Variants in SLC26A7 observed in about 807,000 individuals in gnomAD.
SLC26A7 encodes the protein anion exchange transporter.
Under a neutral mutation model 82.5 loss-of-function variants are expected in SLC26A7, and 59 were observed. The observed-to-expected ratio is 0.72, with a 90% confidence interval of 0.58 to 0.89. The LOEUF (loss-of-function observed/expected upper bound fraction) is 0.89, where lower values mean the gene tolerates loss of function less well. SLC26A7 is among the 40% of genes least tolerant of loss of function. The probability of loss-of-function intolerance (pLI) is 0.00; values close to 1 mark genes in which losing one functional copy is unlikely to be tolerated. For synonymous variants in SLC26A7, 271 were observed against 274.3 expected (o/e 0.99, Z 0.12); for missense variants, 820 against 793.0 (o/e 1.03, Z -0.41).
chr8:91,253,312 T>C (rs1427146644), intron 2 of SLC26A7, among the ~76,000 whole-genome samples: 1 of 152,088 alleles, frequency 6.6e-6, no homozygotes, highest in Non-Finnish European at 1.5e-5. Context: ...CTTTCCTCTC[T>C]TTTGCCACCC....
At chr8:91,221,395 A>G (rs1026809686) in intron 2 of SLC26A7, among the ~76,000 whole-genome samples, 1 of 151,954 alleles carries the variant, frequency 6.6e-6, no homozygotes, top group South Asian at 2.1e-4. Context: ...CTGTTTGTCA[A>G]TTTTGCCTTT....
rs767315598 is a variant in SLC26A7, at chr8:91,295,556, A to G, written c.330A>G (p.Ile110Met). 2 of 1,613,512 alleles carry G rather than the reference A, an allele frequency of 1.2e-6. No homozygotes were observed. Among genetic ancestry groups the G allele is most frequent in the South Asian group, 2.2e-5 (2 of 90,844 alleles). Reference sequence around the variant, plus strand: ...GCACCTTTGCCTTGACATCCTTAATATCAGCCAACGCCGTGGAACGGATTG... The same window carrying G: ...GCACCTTTGCCTTGACATCCTTAATGTCAGCCAACGCCGTGGAACGGATTG... ...ATGTFALTSLISANAVERIVP... is the reference protein window; with the variant it reads ...ATGTFALTSLMSANAVERIVP... The change falls in exon 4 of 19, where the codon ATA (isoleucine) becomes ATG (methionine). Residue 110 changes from isoleucine to methionine, a missense_variant. Ile to Met is a conservative substitution (Grantham distance 10). Coordinates refer to ENST00000276609, the MANE Select transcript of SLC26A7 (RefSeq NM_052832.4).
intron 15 of SLC26A7, among the ~76,000 whole-genome samples, chr8:91,381,619 A>ACAGAACAGTAGCTGATGGGCG (rs1563711104): frequency 1.2e-4 from 18 of 152,256 alleles, no homozygotes; most frequent in Middle Eastern, 3.4e-3. Context: ...GCTGATGGGC[A>ACAGAACAGTAGCTGATGGGCG]TGATCACCTT....
At chr8:91,252,737 T>C (rs1287718851) in intron 2 of SLC26A7, among the ~76,000 whole-genome samples, 1 of 152,174 alleles carries the variant, frequency 6.6e-6, no homozygotes, top group Non-Finnish European at 1.5e-5. Flanking sequence ...ATGTATACAC[T>C]GCAAGACTAC....
At chr8:91,310,897 C>G (rs1812462918) in intron 4 of SLC26A7, among the ~76,000 whole-genome samples, 1 of 152,120 alleles carries the variant, frequency 6.6e-6, no homozygotes, top group South Asian at 2.1e-4. Flanking sequence ...CTGCTTGGCC[C>G]CTTCTAAGTG....
intron 2 of SLC26A7, among the ~76,000 whole-genome samples, chr8:91,268,096 A>C (rs1395735234): frequency 6.6e-6 from 1 of 151,782 alleles, no homozygotes; most frequent in Non-Finnish European, 1.5e-5. Flanking sequence ...TATTTCATTT[A>C]GGTCAGAAAA....
chr8:91,236,771 T>C (rs921162368), intron 2 of SLC26A7, among the ~76,000 whole-genome samples: 1 of 152,224 alleles, frequency 6.6e-6, no homozygotes, highest in Non-Finnish European at 1.5e-5. Context: ...GAAACTCAAC[T>C]AATACTGATT....
chr8:91,357,976 A>C (rs1813921144), intron 11 of SLC26A7, among the ~76,000 whole-genome samples: 2 of 152,258 alleles, frequency 1.3e-5, no homozygotes, highest in South Asian at 4.1e-4. Context: ...TCTCAAAAGA[A>C]GACATTTATG....
intron 4 of SLC26A7, among the ~76,000 whole-genome samples, chr8:91,300,692 C>T (rs1208647057): frequency 6.6e-6 from 1 of 152,184 alleles, no homozygotes; most frequent in Non-Finnish European, 1.5e-5. Context: ...CCACCGCGCC[C>T]GGCCAGAGAT....
At chr8:91,218,860 T>C in intron 1 of SLC26A7, 2 of 1,412,612 alleles carry the variant, frequency 1.4e-6, no homozygotes, top group Non-Finnish European at 1.9e-6. Context: ...GAACACTGCC[T>C]AAATTTTATT....
intron 13 of SLC26A7, among the ~76,000 whole-genome samples, chr8:91,365,829 T>G (rs1440074212): frequency 2.0e-5 from 3 of 152,210 alleles, no homozygotes; most frequent in Non-Finnish European, 4.4e-5. Flanking sequence ...GAAAGAATAT[T>G]GCTTTACTTA....
At chr8:91,234,499 A>G (rs1017584059) in intron 2 of SLC26A7, among the ~76,000 whole-genome samples, 15 of 151,120 alleles carry the variant, frequency 9.9e-5, no homozygotes, top group Non-Finnish European at 1.8e-4. Flanking sequence ...TTTTAATAGA[A>G]GTGGGGCACA....
rs561557223 is a variant in SLC26A7, at chr8:91,249,395, C to T, written c.-132C>T. The stretch of plus-strand genomic sequence containing the variant: ...ATTACATGAACAGGAACTACTTCTC[C>T]TTCAGATAAGAATTCAAGGTTTTAA... On this transcript the variant is annotated 5_prime_UTR_variant, in exon 1 of 19. Transcript: ENST00000276609. 3 of 296,704 alleles carry T rather than the reference C, an allele frequency of 1.0e-5. No homozygotes were observed. Among genetic ancestry groups the T allele is most frequent in the African/African-American group, 2.2e-5 (1 of 46,460 alleles). The allele number at this position is 296,704 out of a possible 1,614,324, so 18.4% of individuals were successfully genotyped here.
At chr8:91,368,599 A>G (rs1814265081) in intron 14 of SLC26A7, among the ~76,000 whole-genome samples, 1 of 148,868 alleles carries the variant, frequency 6.7e-6, no homozygotes, top group African/African-American at 2.5e-5. Flanking sequence ...TTTTTTTTGT[A>G]TTTTTAGTAG....
intron 11 of SLC26A7, 138 bp from the exon 12 acceptor site, chr8:91,362,215 C>T: frequency 1.7e-6 from 1 of 584,738 alleles, no homozygotes; most frequent in South Asian, 3.1e-5. Context: ...CTTCTGTTTA[C>T]CACTTGTTAA....
chr8:91,340,548 C>G lies in SLC26A7; in HGVS notation c.1023C>G (p.Asn341Lys), dbSNP rs1454529261. The G allele has an allele frequency of 6.2e-7, 1 of 1,613,778 alleles. No homozygotes were observed. The highest frequency in any genetic ancestry group is 1.1e-5 in the South Asian group (1 of 91,064). The change falls in exon 8 of 19, where the codon AAC becomes AAG. Residue 341 changes from asparagine (N) to lysine (K), a missense_variant. Physicochemically the swap from Asn to Lys is moderately conservative, Grantham distance 94. Transcript: ENST00000276609. ...AATTCAAATATTCAATTGATGACAA[C>G]CAGGTGGAGTGTGCCCCCAGTCCCT... is the stretch of plus-strand genomic sequence containing the variant. ...AKKFKYSIDD[N>K]QEFLAHGLSN...
intron 2 of SLC26A7, among the ~76,000 whole-genome samples, chr8:91,279,848 G>A (rs988339492): frequency 1.3e-5 from 2 of 152,078 alleles, no homozygotes; most frequent in African/African-American, 2.4e-5. Context: ...GTGAGCCACC[G>A]CGCCCAGCCG....
intron 8 of SLC26A7, among the ~76,000 whole-genome samples, chr8:91,341,790 T>C (rs1813422643): frequency 6.6e-6 from 1 of 152,202 alleles, no homozygotes; most frequent in African/African-American, 2.4e-5. Flanking sequence ...TTATACTCTG[T>C]GCTAACACCA....
chr8:91,394,185 A>G, intron 18 of SLC26A7, 146 bp downstream of exon 18: 1 of 1,611,440 alleles, frequency 6.2e-7, no homozygotes, highest in Non-Finnish European at 8.5e-7. Flanking sequence ...ACTTTCTATT[A>G]CAGGTAAAAG....
Sources: allele counts gnomAD v4.1 joint callset (sites outside exome capture counted in the v4.1 genomes callset), GRCh38; gene constraint gnomAD v4.1.1; transcripts MANE v1.5; gene names NCBI Gene and HGNC (gene_info 2026-07-23, HGNC 2026-07-21).